TUBGCP5: variants seen among roughly 807,000 people sequenced by gnomAD.
TUBGCP5 encodes gamma-tubulin complex component 5.
TUBGCP5 carries 98 observed loss-of-function variants against 134.7 expected under a neutral mutation model. The ratio of observed to expected loss-of-function variants is 0.73; its 90% CI spans 0.62 to 0.86. The LOEUF is 0.86. TUBGCP5 is among the 40% of genes least tolerant of loss of function. The pLI is 0.00. For missense variants in TUBGCP5, 1,150 were observed against 1,244.8 expected, an observed-to-expected ratio of 0.92 and a Z score of 1.15; for synonymous variants, 456 against 431.4, an observed-to-expected ratio of 1.06 and a Z score of -0.71.
intron 23 of TUBGCP5, among the ~76,000 whole-genome samples, chr15:22,989,948 C>T (rs1437605534): frequency 6.6e-6 from 1 of 152,142 alleles, no homozygotes; most frequent in Non-Finnish European, 1.5e-5. Flanking sequence ...CCCAACCACA[C>T]GTCTCCCTGG....
chr15:23,022,356 A>G (rs1323837848), intron 10 of TUBGCP5, among the ~76,000 whole-genome samples, 195 bp from the exon 11 acceptor site: 1 of 152,202 alleles, frequency 6.6e-6, no homozygotes, highest in Non-Finnish European at 1.5e-5. Flanking sequence ...AAGACAACTC[A>G]GCAGAAAAAT....
At chr15:22,994,450 CAT>C (rs1036755127), downstream of TUBGCP5, among the ~76,000 whole-genome samples, 17 of 152,158 alleles carry the variant, frequency 1.1e-4, no homozygotes, top group African/African-American at 4.1e-4. Context: ...TTTCCACACA[CAT>C]GAGCAAAGGA....
At chr15:23,016,969 G>GATATATATGTATATATATATATATAT (rs2065361817) in intron 13 of TUBGCP5, among the ~76,000 whole-genome samples, 1 of 109,396 alleles carries the variant, frequency 9.1e-6, no homozygotes, top group Non-Finnish European at 1.9e-5. Flanking sequence ...AAAATTGTGA[G>GATATATATGTATATATATATATATAT]ATATATATAT....
chr15:23,018,437 TAGA>T (rs1225743689), intron 12 of TUBGCP5, among the ~76,000 whole-genome samples: 1 of 152,172 alleles, frequency 6.6e-6, no homozygotes, highest in Non-Finnish European at 1.5e-5. Flanking sequence ...ATCATCACCC[TAGA>T]AGAACAGTCA....
At chr15:22,989,923 G>C (rs781045624) in intron 23 of TUBGCP5, among the ~76,000 whole-genome samples, 24 of 152,072 alleles carry the variant, frequency 1.6e-4, no homozygotes, top group Non-Finnish European at 2.5e-4. Context: ...AAAACATGTG[G>C]ACTCCAACCA....
intron 12 of TUBGCP5, 41 bp downstream of exon 12, chr15:23,019,178 G>A (rs777829250): frequency 6.9e-7 from 1 of 1,439,388 alleles, no homozygotes; most frequent in East Asian, 2.3e-5. Context: ...GGAAACTGGT[G>A]ATGCCAGCCC....
downstream of TUBGCP5, among the ~76,000 whole-genome samples, chr15:22,998,330 A>C (rs1595805816): frequency 6.6e-6 from 1 of 152,126 alleles, no homozygotes; most frequent in East Asian, 1.9e-4. Flanking sequence ...AAACAAGGAA[A>C]TACCAAACAA....
intron 23 of TUBGCP5, among the ~76,000 whole-genome samples, chr15:22,984,084 C>A (rs1404144118): frequency 6.6e-6 from 1 of 152,074 alleles, no homozygotes. Flanking sequence ...CGTGCCACTG[C>A]ACTCCAGGCT....
rs530383836 is a variant in TUBGCP5 at position 23,032,422 on chromosome 15, TATC to T, written c.406+303_406+305del. On this transcript the variant is annotated intron_variant, in intron 4 of 22. Coordinates refer to ENST00000615383, the MANE Select transcript of TUBGCP5 (RefSeq NM_052903.6). ...TCTCTAGATTACTTATAATACCTAA[TATC>T]ATGTAAATGCTATGTAAATAGTTTT... Among the ~76,000 whole-genome samples the T allele has an allele frequency of 2.2e-3, 329 of 152,308 alleles. 1 individual carries two copies. Among genetic ancestry groups the T allele is most frequent in the African/African-American group, 7.6e-3 (317 of 41,576 alleles).
chr15:23,002,139 CAAAAAAAAAAG>C lies in TUBGCP5; in HGVS notation c.2927+915_2927+925del, dbSNP rs2064424116. ...ATTTCTCCTCCACCCCAAAGTGAGA[CAAAAAAAAAAG>C]AAAAAAAAAAAGCAAAATATATTTT... On this transcript the variant is annotated intron_variant, in intron 21 of 22. Coordinates refer to ENST00000615383, the MANE Select transcript of TUBGCP5 (RefSeq NM_052903.6). 2.1e-5 allele frequency among the ~76,000 whole-genome samples: 2 copies of C among 95,834 alleles called. 1 individual carries two copies. Among genetic ancestry groups the C allele is most frequent in the Admixed American group, 2.3e-4 (2 of 8,684 alleles). 62.9% of individuals were successfully genotyped at this position (95,834 alleles called of 152,430 possible). A position where few individuals can be genotyped will look rare whatever the true frequency, so the allele number is the denominator to read the frequency against.
At chr15:23,038,538 A>G (rs773020342) in intron 1 of TUBGCP5, among the ~76,000 whole-genome samples, 1 of 152,220 alleles carries the variant, frequency 6.6e-6, no homozygotes, top group Non-Finnish European at 1.5e-5. Context: ...AAGAATCTGA[A>G]AGCCCCGTAT....
intron 3 of TUBGCP5, 82 bp from the exon 4 acceptor site, chr15:23,032,906 CAGTT>C: frequency 1.0e-6 from 1 of 984,514 alleles, no homozygotes; most frequent in Non-Finnish European, 1.4e-6. Flanking sequence ...AACTCCATGA[CAGTT>C]ATGTCCCCAA....
chr15:23,002,150 GA>G (rs980814627), intron 21 of TUBGCP5, among the ~76,000 whole-genome samples: 1,721 of 134,942 alleles, frequency 0.013, 35 homozygotes, highest in African/African-American at 0.043. Flanking sequence ...AAAAAAAAAA[GA>G]AAAAAAAAAA....
intron 11 of TUBGCP5, 48 bp downstream of exon 11, chr15:23,021,911 C>T (rs1372501890): frequency 6.4e-7 from 1 of 1,558,404 alleles, no homozygotes; most frequent in Non-Finnish European, 8.9e-7. Context: ...TATCACTCCT[C>T]TGCTGTGCAG....
intron 23 of TUBGCP5, among the ~76,000 whole-genome samples, chr15:22,985,244 G>C (rs535110065): frequency 2.8e-4 from 42 of 151,908 alleles, no homozygotes; most frequent in Non-Finnish European, 4.9e-4. Context: ...TTGAGATGGA[G>C]TTTCACTCTT....
chr15:23,026,071 T>C (rs766869117), intron 8 of TUBGCP5, 45 bp downstream of exon 8: 6 of 1,498,834 alleles, frequency 4.0e-6, no homozygotes, highest in Non-Finnish European at 5.4e-6. Flanking sequence ...TGCTTCTCAG[T>C]AATCAAGTCT....
In TUBGCP5 at chr15:23,008,779, CT is replaced by C; in HGVS notation, c.2246del (p.Lys749ArgfsTer18). On this transcript the variant is annotated frameshift_variant, in exon 16 of 23. Coordinates refer to ENST00000615383, the MANE Select transcript of TUBGCP5 (RefSeq NM_052903.6). LOFTEE classifies it high-confidence loss of function. The stretch of plus-strand genomic sequence containing the variant: ...GAAAAGACACATTCTGCCATGTTTC[CT>C]TTTCTCTTATTTTATCAAAAATTGA... ...YTSIFDKIRE[K>X]ETWQNVSFLN... 1 of 1,607,326 alleles carries C rather than the reference CT, an allele frequency of 6.2e-7. No individual in the cohort carries two copies. Among genetic ancestry groups the C allele is most frequent in the Non-Finnish European group, 8.5e-7 (1 of 1,178,404 alleles).
Position 23,024,202 on chromosome 15 carries a change from C to T in TUBGCP5, c.922-9G>A, listed in dbSNP as rs372920413. ...ACAGATCGTAAACAGCTCTACAACA[C>T]AAGCAAACTGCAATTATTCAAAGGT... On this transcript the variant is annotated splice_polypyrimidine_tract_variant and intron_variant, in intron 9 of 22. Transcript: ENST00000615383. 2.0e-4 allele frequency: 321 copies of T among 1,608,054 alleles called. No homozygotes were observed. The highest frequency in any genetic ancestry group is 2.6e-4 in the Non-Finnish European group (308 of 1,176,088).
chr15:22,989,067 C>T (rs2063772179), intron 23 of TUBGCP5, among the ~76,000 whole-genome samples: 4 of 152,146 alleles, frequency 2.6e-5, no homozygotes, highest in Admixed American at 2.6e-4. Context: ...GTGCTTCTGT[C>T]CCCTCTTCCA....
Sources: gnomAD v4.1 joint callset for allele counts (sites outside exome capture counted in the v4.1 genomes callset) on GRCh38, gnomAD v4.1.1 for gene constraint, MANE v1.5 for transcripts, NCBI Gene and HGNC (gene_info 2026-07-23, HGNC 2026-07-21) for gene names.